PPP4R1: variants seen among roughly 807,000 people sequenced by gnomAD.
PPP4R1 encodes serine/threonine-protein phosphatase 4 regulatory subunit 1.
A neutral mutation model predicts 111.2 loss-of-function variants in PPP4R1; 42 were observed. The ratio of observed to expected loss-of-function variants is 0.38; its 90% CI spans 0.29 to 0.49. The LOEUF (loss-of-function observed/expected upper bound fraction) is 0.49. Ranked by LOEUF, PPP4R1 falls within the 20% of genes least tolerant of loss-of-function variation. PPP4R1 has a pLI of 0.97. For missense variants in PPP4R1, 1,012 were observed against 1,161.6 expected, an observed-to-expected ratio of 0.87 and a Z score of 1.87; for synonymous variants, 409 against 405.5, an observed-to-expected ratio of 1.01 and a Z score of -0.10.
chr18:9,604,567 T>C (rs1330195217), intron 2 of PPP4R1, among the ~76,000 whole-genome samples: 2 of 152,136 alleles, frequency 1.3e-5, no homozygotes, highest in African/African-American at 4.8e-5. Context: ...GTTCCATTTC[T>C]GTCCTCTCTA....
intron 2 of PPP4R1, among the ~76,000 whole-genome samples, chr18:9,609,340 G>C (rs2067538134): frequency 6.6e-6 from 1 of 151,842 alleles, no homozygotes; most frequent in African/African-American, 2.4e-5. Flanking sequence ...TGATTCCCTG[G>C]CCACTACCAG....
chr18:9,552,126 G>A (rs2066499180), intron 16 of PPP4R1, among the ~76,000 whole-genome samples: 2 of 152,158 alleles, frequency 1.3e-5, no homozygotes, highest in Admixed American at 6.5e-5. Flanking sequence ...TCCATACTCA[G>A]CAAAGACATC....
intron 11 of PPP4R1, among the ~76,000 whole-genome samples, chr18:9,568,091 C>T (rs2066799099): frequency 1.3e-5 from 2 of 152,136 alleles, no homozygotes; most frequent in South Asian, 2.1e-4. Context: ...TGTAGTAGTG[C>T]AATCATAGCT....
Position 9,577,147 on chromosome 18 carries a change from A to G in PPP4R1, c.963T>C (p.Thr321=), listed in dbSNP as rs201899657. 162 of 1,609,754 alleles carry G rather than the reference A, an allele frequency of 1.0e-4. No individual in the cohort carries two copies. The African/African-American group carries it at 1.8e-3, about 18-fold the overall frequency. The change falls in exon 10 of 20, where the codon ACT becomes ACC. Residue 321 remains threonine (T), a synonymous_variant. Transcript: ENST00000400556. ...GGCCTGAGCTAGATGGATTAGCAAA[A>G]GTAGATATGAAAGGTCCCAGAGACT... ...AFQSLGPFIS[T]FANPSSSGQY...
chr18:9,578,718 A>G (rs1186407733), intron 9 of PPP4R1, among the ~76,000 whole-genome samples: 1 of 152,208 alleles, frequency 6.6e-6, no homozygotes, highest in East Asian at 1.9e-4. Context: ...GATTTTTTAA[A>G]AAGGCTAGAA....
At position 9,614,030 on chromosome 18, in the gene PPP4R1, C is replaced by T; in HGVS notation, c.52+196G>A. On this transcript the variant is annotated intron_variant, in intron 2 of 19. Transcript: ENST00000400556. This position sits in a 1 kb window ranked among gnomAD's most constrained non-coding sequence, Gnocchi z 4.1. ...GGGCGTTACTCCGGGCGTCTCCCTC[C>T]CCCAGCGGAACCTGGGCGCGCCGTT... The T allele has an allele frequency of 5.8e-6, 2 of 345,244 alleles. No homozygotes were observed. The highest frequency in any genetic ancestry group is 9.9e-6 in the Non-Finnish European group (2 of 202,820). 21.4% of individuals were successfully genotyped at this position (345,244 alleles called of 1,614,324 possible).
rs558612248 is a variant in PPP4R1 at position 9,610,221 on chromosome 18, C to T, written c.52+4005G>A. ...AAAATTGCATCTTTGGAAACTAAAA[C>T]AGAAATCTGAAATAATTTTTTCTAA... On this transcript the variant is annotated intron_variant, in intron 2 of 19. Transcript: ENST00000400556. Among the ~76,000 whole-genome samples, 7 of 152,286 alleles carry T rather than the reference C, an allele frequency of 4.6e-5. No individual in the cohort carries two copies. In the South Asian group the frequency reaches 8.3e-4, roughly 18 times the overall value.
upstream of PPP4R1, chr18:9,614,834 A>C (rs1252778940): frequency 6.7e-6 from 1 of 149,050 alleles, no homozygotes; most frequent in Admixed American, 6.7e-5. The surrounding 1 kb of genome is among the most constrained non-coding windows in gnomAD (Gnocchi z 4.1). Flanking sequence ...AGCGCTGCGG[A>C]CGGGGGCGCG....
At chr18:9,574,617 C>T (rs1366272584) in intron 10 of PPP4R1, among the ~76,000 whole-genome samples, 2 of 152,186 alleles carry the variant, frequency 1.3e-5, no homozygotes, top group Non-Finnish European at 2.9e-5. Context: ...TGTGCACCAA[C>T]GGGCCAGGCC....
At position 9,584,570 on chromosome 18, in the gene PPP4R1, G is replaced by A; in HGVS notation, c.704C>T (p.Ala235Val). Residue 235 changes from alanine (A) to valine (V), a missense_variant, in exon 8 of 20, where the codon GCC becomes GTC. By Grantham distance (64) the Ala-to-Val change is moderately conservative (BLOSUM62 0). Around this residue, in one of 2 missense-constraint regions of PPP4R1, gnomAD observed 707 missense variants for 742.1 expected, o/e 0.95. Coordinates refer to ENST00000400556, the MANE Select transcript of PPP4R1 (RefSeq NM_001042388.3). Reference protein sequence around the residue: ...RMFHVRKVCAANFGDICSVVG... With the variant: ...RMFHVRKVCAVNFGDICSVVG... ...TACACTGCAAATATCTCCAAAATTG[G>A]CAGCACAGACCTGACAACAAAAGCA... 5 of 1,612,456 alleles carry A rather than the reference G, an allele frequency of 3.1e-6. No individual in the cohort carries two copies. The highest frequency in any genetic ancestry group is 4.2e-6 in the Non-Finnish European group (5 of 1,179,362).
chr18:9,594,857 C>A, intron 3 of PPP4R1, 161 bp downstream of exon 3: 3 of 759,488 alleles, frequency 4.0e-6, no homozygotes, highest in African/African-American at 1.8e-5. Context: ...AAAGAATAAA[C>A]AAGTACAAAA....
intron 19 of PPP4R1, 128 bp from the exon 20 acceptor site, chr18:9,548,080 A>C: frequency 1.1e-6 from 1 of 912,786 alleles, no homozygotes; most frequent in South Asian, 1.9e-5. Context: ...ACTGAAACAT[A>C]AACAGTAATC....
intron 15 of PPP4R1, among the ~76,000 whole-genome samples, chr18:9,554,582 CACACCTCCTAGCTACTATCT>C (rs999633795): frequency 5.9e-5 from 9 of 151,988 alleles, no homozygotes; most frequent in South Asian, 2.1e-4. Context: ...AAAAAAGCAT[CACACCTCCTAGCTACTATCT>C]ACACCTCCTA....
At chr18:9,584,622 TA>T (rs1194720046) in intron 7 of PPP4R1, 42 bp from the exon 8 acceptor site, 13 of 1,606,512 alleles carry the variant, frequency 8.1e-6, no homozygotes, top group Non-Finnish European at 4.3e-6. Flanking sequence ...ATATTACACA[TA>T]AGGTTCTTCT....
chr18:9,607,286 G>A (rs1381880447), intron 2 of PPP4R1, among the ~76,000 whole-genome samples: 3 of 151,856 alleles, frequency 2.0e-5, no homozygotes, highest in Non-Finnish European at 2.9e-5. Flanking sequence ...ACTTGAGTCC[G>A]GGAAGCAGAC....
intron 6 of PPP4R1, among the ~76,000 whole-genome samples, chr18:9,586,118 AATT>A (rs898547834): frequency 3.3e-5 from 5 of 151,946 alleles, no homozygotes. Flanking sequence ...TTTAAAAATG[AATT>A]ATTTTTATTA....
At position 9,566,758 on chromosome 18, in the gene PPP4R1, G is replaced by T. The variant is rs892759652; in HGVS notation, c.1574-3208C>A. Among the ~76,000 whole-genome samples the T allele has an allele frequency of 2.0e-5, 3 of 151,950 alleles. No individual in the cohort carries two copies. The East Asian group carries it at 5.8e-4, about 29-fold the overall frequency. On this transcript the variant is annotated intron_variant, in intron 11 of 19. Coordinates refer to ENST00000400556, the MANE Select transcript of PPP4R1 (RefSeq NM_001042388.3). ...TTAAGAATTAGGCTAAATCTACTCT[G>T]CCTGTGCTCTGTCACTGGAAAAGTA...
chr18:9,595,418 G>C (rs1300281333), intron 2 of PPP4R1, among the ~76,000 whole-genome samples: 1 of 152,146 alleles, frequency 6.6e-6, no homozygotes, highest in Non-Finnish European at 1.5e-5. Flanking sequence ...TCAGTATGCA[G>C]GAAAGTGACC....
chr18:9,572,253 G>A (rs564849583), intron 10 of PPP4R1, among the ~76,000 whole-genome samples: 2 of 152,142 alleles, frequency 1.3e-5, no homozygotes, highest in East Asian at 3.9e-4. Flanking sequence ...TGACATATGC[G>A]GAGGCAACAA....
Sources: allele counts gnomAD v4.1 joint callset (sites outside exome capture counted in the v4.1 genomes callset), GRCh38; gene constraint gnomAD v4.1.1; regional missense constraint gnomAD v4.1.1; non-coding constraint Gnocchi (gnomAD v3.1); transcripts MANE v1.5; gene names NCBI Gene and HGNC (gene_info 2026-07-23, HGNC 2026-07-21).